ARHGAP15: variants seen among roughly 807,000 people sequenced by gnomAD.
The protein encoded by ARHGAP15 is rho GTPase-activating protein 15.
In ARHGAP15, 51 loss-of-function variants were observed where a neutral mutation model predicts 63.7. The observed-to-expected ratio is 0.80, with a 90% CI of 0.64 to 1.01. The LOEUF (loss-of-function observed/expected upper bound fraction) is 1.01, where lower values mean the gene tolerates loss of function less well. ARHGAP15 is among the 50% of genes least tolerant of loss of function. ARHGAP15 has a pLI of 0.00. For synonymous variants in ARHGAP15, 191 were observed against 193.8 expected, an observed-to-expected ratio of 0.99 and a Z score of 0.12; for missense variants, 560 against 564.6, an observed-to-expected ratio of 0.99 and a Z score of 0.08.
chr2:143,147,252 G>C (rs576261870), intron 1 of ARHGAP15, among the ~76,000 whole-genome samples: 9 of 152,132 alleles, frequency 5.9e-5, no homozygotes, highest in Admixed American at 4.6e-4. Context: ...TAACGCTGTG[G>C]CTGCTGAGCA....
intron 12 of ARHGAP15, among the ~76,000 whole-genome samples, chr2:143,634,285 T>C (rs770817457): frequency 3.3e-5 from 5 of 152,076 alleles, no homozygotes; most frequent in Non-Finnish European, 7.4e-5. Context: ...AAGTCTCTCA[T>C]CAGCTAAGCT....
chr2:143,234,409 ATAT>A (rs1693561168), intron 5 of ARHGAP15, among the ~76,000 whole-genome samples: 1 of 152,132 alleles, frequency 6.6e-6, no homozygotes, highest in African/African-American at 2.4e-5. Context: ...TGTTATTGAA[ATAT>A]TATCATGGGA....
At chr2:143,249,613 AG>A (rs1219884102) in intron 5 of ARHGAP15, among the ~76,000 whole-genome samples, 1 of 152,172 alleles carries the variant, frequency 6.6e-6, no homozygotes, top group Non-Finnish European at 1.5e-5. Context: ...TTGAAAAAAT[AG>A]TAAAGAAATT....
rs376803338 is a variant in ARHGAP15 at position 143,256,843 on chromosome 2, GAAATA to G, written c.474+6248_474+6252del. Among the ~76,000 whole-genome samples, 714 of 152,150 alleles carry G rather than the reference GAAATA, an allele frequency of 4.7e-3. 6 individuals carry two copies. Among genetic ancestry groups the G allele is most frequent in the African/African-American group, 0.016 (681 of 41,514 alleles). On this transcript the variant is annotated intron_variant, in intron 6 of 13. Transcript: ENST00000295095. ...TGCAAATGATAGAATCTGGGGACAG[GAAATA>G]AAATTGATTGTAAGAATCTAGATGA...
At chr2:143,285,588 T>C (rs1360389924) in intron 6 of ARHGAP15, among the ~76,000 whole-genome samples, 1 of 152,216 alleles carries the variant, frequency 6.6e-6, no homozygotes, top group Non-Finnish European at 1.5e-5. Flanking sequence ...TTGCCATTGA[T>C]CTGCACGCAT....
chr2:143,335,608 T>C (rs1237446232), intron 6 of ARHGAP15, among the ~76,000 whole-genome samples: 1 of 152,216 alleles, frequency 6.6e-6, no homozygotes. Flanking sequence ...ATTCATTCAG[T>C]ATATACTTAT....
chr2:143,606,143 G>T (rs896788767), intron 11 of ARHGAP15, among the ~76,000 whole-genome samples: 1 of 147,732 alleles, frequency 6.8e-6, no homozygotes, highest in Non-Finnish European at 1.5e-5. Flanking sequence ...ATCCTTGGAT[G>T]CTTTCTTCAT....
chr2:143,265,145 G>A (rs946058666), intron 6 of ARHGAP15, among the ~76,000 whole-genome samples: 30 of 151,950 alleles, frequency 2.0e-4, no homozygotes, highest in African/African-American at 6.3e-4. Flanking sequence ...AAATGCTCAT[G>A]GAACAGGGTG....
intron 6 of ARHGAP15, among the ~76,000 whole-genome samples, chr2:143,370,724 T>C (rs907035844): frequency 5.9e-5 from 9 of 152,206 alleles, no homozygotes; most frequent in Non-Finnish European, 1.0e-4. Context: ...GTCTGTTCTA[T>C]GTGGACTAGT....
intron 11 of ARHGAP15, among the ~76,000 whole-genome samples, chr2:143,618,098 G>A (rs751249560): frequency 2.0e-5 from 3 of 152,152 alleles, no homozygotes; most frequent in Non-Finnish European, 4.4e-5. Context: ...TGACATCACC[G>A]TGTTTGAGAA....
At chr2:143,617,684 T>C (rs1454848217) in intron 11 of ARHGAP15, among the ~76,000 whole-genome samples, 1 of 152,204 alleles carries the variant, frequency 6.6e-6, no homozygotes, top group African/African-American at 2.4e-5. Flanking sequence ...AAGAACACAA[T>C]TCAGCACATA....
chr2:143,137,622 G>T (rs951028805), intron 1 of ARHGAP15, among the ~76,000 whole-genome samples: 3 of 151,950 alleles, frequency 2.0e-5, no homozygotes, highest in African/African-American at 7.2e-5. Flanking sequence ...TGATGAGAAA[G>T]AGCAACTACC....
intron 6 of ARHGAP15, among the ~76,000 whole-genome samples, chr2:143,282,772 C>G (rs1350792817): frequency 6.6e-6 from 1 of 152,084 alleles, no homozygotes; most frequent in Non-Finnish European, 1.5e-5. Context: ...AAATTTGGAC[C>G]CAGATCTGTT....
intron 2 of ARHGAP15, among the ~76,000 whole-genome samples, chr2:143,201,114 T>G (rs1692098050): frequency 6.6e-6 from 1 of 151,836 alleles, no homozygotes; most frequent in South Asian, 2.1e-4. Context: ...TTTTTTTAAT[T>G]TTTATTTTTT....
At chr2:143,382,652 A>G (rs1007191520) in intron 6 of ARHGAP15, among the ~76,000 whole-genome samples, 1 of 152,126 alleles carries the variant, frequency 6.6e-6, no homozygotes. Context: ...GGGGGACACA[A>G]TTCAACCCAT....
chr2:143,301,958 A>G (rs1223822273), intron 6 of ARHGAP15, among the ~76,000 whole-genome samples: 1 of 151,890 alleles, frequency 6.6e-6, no homozygotes, highest in African/African-American at 2.4e-5. Context: ...CCACTAGGTT[A>G]ATCTAATCAA....
At chr2:143,428,510 T>C (rs1177185833) in intron 6 of ARHGAP15, among the ~76,000 whole-genome samples, 3 of 151,778 alleles carry the variant, frequency 2.0e-5, no homozygotes, top group Admixed American at 1.3e-4. Flanking sequence ...AGGAAAAACA[T>C]GGATGAGACA....
At chr2:143,213,390 G>C (rs1445014762) in intron 3 of ARHGAP15, among the ~76,000 whole-genome samples, 1 of 152,144 alleles carries the variant, frequency 6.6e-6, no homozygotes, top group Non-Finnish European at 1.5e-5. Flanking sequence ...GCACATGCCT[G>C]TAATCCCAGC....
At chr2:143,240,176 TA>T (rs1278579592) in intron 5 of ARHGAP15, among the ~76,000 whole-genome samples, 4 of 150,954 alleles carry the variant, frequency 2.6e-5, no homozygotes, top group South Asian at 2.1e-4. Flanking sequence ...ACTCTGTCTC[TA>T]AAAAAATAAA....
Sources: gnomAD v4.1 joint callset for allele counts (sites outside exome capture counted in the v4.1 genomes callset) on GRCh38, gnomAD v4.1.1 for gene constraint, MANE v1.5 for transcripts, NCBI Gene and HGNC (gene_info 2026-07-23, HGNC 2026-07-21) for gene names.